FSD1L: variants seen among roughly 807,000 people sequenced by gnomAD.
The protein encoded by FSD1L is FSD1-like protein.
FSD1L carries 45 observed loss-of-function variants against 71.6 expected under a neutral mutation model. The ratio of observed to expected loss-of-function variants is 0.63; its 90% CI spans 0.49 to 0.81. The LOEUF (loss-of-function observed/expected upper bound fraction) is 0.81, where lower values mean the gene tolerates loss of function less well. Among genes scored for constraint, FSD1L ranks in the 30% least tolerant of loss-of-function variants. The pLI, the probability that FSD1L is intolerant of heterozygous loss-of-function variation, is 0.00. For synonymous variants in FSD1L, 197 were observed against 207.2 expected (o/e 0.95, Z 0.42); for missense variants, 561 against 618.1 (o/e 0.91, Z 0.98).
chr9:105,533,612 G>A lies in FSD1L; in HGVS notation c.1026-881G>A, dbSNP rs1319735441. Among the ~76,000 whole-genome samples, 7 of 149,030 alleles carry A rather than the reference G, an allele frequency of 4.7e-5. No homozygotes were observed. In the South Asian group the frequency reaches 6.4e-4, roughly 14 times the overall value. ...TAATTTTTGTATTTTTAGTAGAAAC[G>A]GGGTTTCACTGTGTTGCCCAGGCTG... On this transcript the variant is annotated intron_variant, in intron 10 of 13. Coordinates refer to ENST00000481272, the MANE Select transcript of FSD1L (RefSeq NM_001145313.3).
At chr9:105,524,322 T>C in intron 10 of FSD1L, 6 of 1,613,606 alleles carry the variant, frequency 3.7e-6, no homozygotes, top group Non-Finnish European at 5.1e-6. Flanking sequence ...CCAGCCTGAT[T>C]CTCCCTTGAA....
intron 6 of FSD1L, among the ~76,000 whole-genome samples, chr9:105,480,531 A>G (rs1281662384): frequency 2.6e-5 from 4 of 152,234 alleles, no homozygotes; most frequent in African/African-American, 9.6e-5. Flanking sequence ...AGCTCAAGCT[A>G]TCCGCCCAAC....
At chr9:105,504,998 A>G (rs1190762917) in intron 7 of FSD1L, among the ~76,000 whole-genome samples, 2 of 152,220 alleles carry the variant, frequency 1.3e-5, no homozygotes, top group Non-Finnish European at 2.9e-5. Flanking sequence ...AGTGGGGTAC[A>G]TTTGATATAA....
chr9:105,466,959 A>C (rs982977628), intron 3 of FSD1L, among the ~76,000 whole-genome samples: 2 of 152,210 alleles, frequency 1.3e-5, no homozygotes, highest in Non-Finnish European at 2.9e-5. Flanking sequence ...TCGTTGCTGA[A>C]GATGGGAGCT....
intron 11 of FSD1L, among the ~76,000 whole-genome samples, 171 bp downstream of exon 11, chr9:105,534,764 T>C (rs760138333): frequency 6.6e-6 from 1 of 152,196 alleles, no homozygotes; most frequent in Non-Finnish European, 1.5e-5. Flanking sequence ...CTTATTATTA[T>C]TGATACTTTT....
At chr9:105,458,988 T>A (rs1012115894) in intron 1 of FSD1L, among the ~76,000 whole-genome samples, 4 of 152,302 alleles carry the variant, frequency 2.6e-5, no homozygotes, top group East Asian at 3.9e-4. Flanking sequence ...TATGATATAT[T>A]TTAGATCTTT....
intron 1 of FSD1L, among the ~76,000 whole-genome samples, chr9:105,450,246 G>A (rs1829906481): frequency 6.6e-6 from 1 of 152,158 alleles, no homozygotes; most frequent in Admixed American, 6.5e-5. Context: ...TTCTGTTATG[G>A]AATGTACATT....
At chr9:105,524,877 A>C in intron 10 of FSD1L, 1 of 1,572,564 alleles carries the variant, frequency 6.4e-7, no homozygotes, top group Non-Finnish European at 8.7e-7. Flanking sequence ...CAATCATTAC[A>C]GTGAAAGTAC....
At chr9:105,472,063 T>A in intron 5 of FSD1L, 58 bp downstream of exon 5, 2 of 1,389,776 alleles carry the variant, frequency 1.4e-6, no homozygotes, top group Non-Finnish European at 1.9e-6. Context: ...TAAAAAGGCG[T>A]TTTTGTTTTT....
At chr9:105,504,443 T>G (rs1440359682) in intron 7 of FSD1L, among the ~76,000 whole-genome samples, 2 of 152,174 alleles carry the variant, frequency 1.3e-5, no homozygotes, top group African/African-American at 4.8e-5. Flanking sequence ...TGGATCATCC[T>G]TTCTAAGTCA....
At position 105,551,178 on chromosome 9, in the gene FSD1L, TTTA is replaced by T. The variant is rs1169440169; in HGVS notation, c.*4696_*4698del. 1 of 152,100 alleles carries T rather than the reference TTTA, an allele frequency of 6.6e-6. No homozygotes were observed. Among genetic ancestry groups the T allele is most frequent in the Non-Finnish European group, 1.5e-5 (1 of 67,982 alleles). The allele number at this position is 152,100 out of a possible 1,614,324, so 9.4% of individuals were successfully genotyped here. A position where few individuals can be genotyped will look rare whatever the true frequency, so the allele number is the denominator to read the frequency against. On this transcript the variant is annotated 3_prime_UTR_variant, in exon 14 of 14. Coordinates refer to ENST00000481272, the MANE Select transcript of FSD1L (RefSeq NM_001145313.3). The stretch of plus-strand genomic sequence containing the variant: ...CTAATTTACCTATTAAGGGAGACTC[TTTA>T]AAATCAACTTTATAACTAATTCATA...
intron 7 of FSD1L, among the ~76,000 whole-genome samples, chr9:105,492,319 G>T (rs536505550): frequency 6.6e-6 from 1 of 152,242 alleles, no homozygotes; most frequent in Admixed American, 6.5e-5. Flanking sequence ...ATGGTAGTTT[G>T]TATTTCTGTG....
intron 12 of FSD1L, among the ~76,000 whole-genome samples, chr9:105,536,959 C>G (rs1330967687): frequency 6.6e-6 from 1 of 152,130 alleles, no homozygotes; most frequent in Non-Finnish European, 1.5e-5. Flanking sequence ...TTAAAAATAA[C>G]TCAATGTTAT....
intron 7 of FSD1L, among the ~76,000 whole-genome samples, chr9:105,489,009 C>T (rs1270658108): frequency 6.6e-6 from 1 of 151,966 alleles, no homozygotes; most frequent in Non-Finnish European, 1.5e-5. Context: ...TCCACATGTA[C>T]AATTTTTTTA....
At chr9:105,479,808 C>T (rs186835941) in intron 6 of FSD1L, among the ~76,000 whole-genome samples, 1 of 152,268 alleles carries the variant, frequency 6.6e-6, no homozygotes, top group African/African-American at 2.4e-5. Context: ...ATTTCACTGC[C>T]CTCCTGTTTA....
Position 105,512,866 on chromosome 9 carries a change from T to C in FSD1L, c.955T>C (p.Cys319Arg), listed in dbSNP as rs1481429526. 4 of 1,542,606 alleles carry C rather than the reference T, an allele frequency of 2.6e-6. No individual in the cohort carries two copies. The highest frequency in any genetic ancestry group is 3.5e-6 in the Non-Finnish European group (4 of 1,142,136). Reference protein sequence around the residue: ...SHLNLKVEDTCVEWDPTGGKG... With the variant: ...SHLNLKVEDTRVEWDPTGGKG... ...TTTGAACCTGAAAGTTGAAGATACATGTGTAGAGTGGGATCCTACTGGAGG... is the reference window on the plus strand; with the variant it reads ...TTTGAACCTGAAAGTTGAAGATACACGTGTAGAGTGGGATCCTACTGGAGG... Residue 319 changes from cysteine to arginine, a missense_variant, in exon 10 of 14, where the codon TGT becomes CGT. Transcript: ENST00000481272.
intron 1 of FSD1L, among the ~76,000 whole-genome samples, chr9:105,451,714 A>T (rs1398133879): frequency 2.0e-5 from 3 of 152,202 alleles, no homozygotes; most frequent in Non-Finnish European, 4.4e-5. Context: ...CCTTTTGATT[A>T]TGCCTTTAAA....
intron 3 of FSD1L, among the ~76,000 whole-genome samples, chr9:105,466,429 C>T (rs1831074336): frequency 6.6e-6 from 1 of 152,106 alleles, no homozygotes; most frequent in South Asian, 2.1e-4. Context: ...CCAAAATTAT[C>T]TTTAGCAAAA....
At chr9:105,452,665 G>C (rs4992160) in intron 1 of FSD1L, among the ~76,000 whole-genome samples, 75 of 85,848 alleles carry the variant, frequency 8.7e-4, no homozygotes, top group Non-Finnish European at 1.4e-3. Context: ...CTGCCTGCCT[G>C]CCTGCCTTCC....
Sources: gnomAD v4.1 joint callset for allele counts (sites outside exome capture counted in the v4.1 genomes callset) on GRCh38, gnomAD v4.1.1 for gene constraint, MANE v1.5 for transcripts, NCBI Gene and HGNC (gene_info 2026-07-23, HGNC 2026-07-21) for gene names.